STAU1: variants seen among roughly 807,000 people sequenced by gnomAD.
STAU1 encodes the protein staufen double-stranded RNA binding protein 1, also known as double-stranded RNA-binding protein Staufen homolog 1.
STAU1 carries 13 observed loss-of-function variants against 62.9 expected under a neutral mutation model. The observed-to-expected ratio is 0.21, with a 90% confidence interval of 0.13 to 0.33. The LOEUF is 0.33. Among genes scored for constraint, STAU1 ranks in the 10% least tolerant of loss-of-function variants. The pLI is 1.00. For synonymous variants in STAU1, 269 were observed against 265.1 expected (o/e 1.01, Z -0.14); for missense variants, 571 against 712.1 (o/e 0.80, Z 2.25).
At chr20:49,185,912 C>T (rs760912186) in intron 1 of STAU1, among the ~76,000 whole-genome samples, 15 of 151,868 alleles carry the variant, frequency 9.9e-5, no homozygotes, top group Admixed American at 4.6e-4. Flanking sequence ...CTCTCTCTGT[C>T]GCCCAGGCAA....
intron 1 of STAU1, chr20:49,179,227 AC>A (rs2093695896): frequency 6.7e-6 from 1 of 149,888 alleles, no homozygotes. Context: ...AGCCTGGGCG[AC>A]AAGAGCAAAA....
In STAU1 at chr20:49,173,044, C is replaced by T. The variant is rs2093617355; in HGVS notation, c.-85+1151G>A. Reference sequence around the variant, plus strand: ...TATTTTTAGTAAAGACGGGGTTTCACCGTGTTAGCCAGGAGGGTCTCGATC... The same window carrying T: ...TATTTTTAGTAAAGACGGGGTTTCATCGTGTTAGCCAGGAGGGTCTCGATC... On this transcript the variant is annotated intron_variant, in intron 2 of 13. Coordinates refer to ENST00000371856, the MANE Select transcript of STAU1 (RefSeq NM_017453.4). 2.0e-5 allele frequency among the ~76,000 whole-genome samples: 3 copies of T among 151,804 alleles called. No individual in the cohort carries two copies. In the East Asian group the frequency reaches 5.9e-4, roughly 30 times the overall value.
intron 4 of STAU1, among the ~76,000 whole-genome samples, chr20:49,153,275 C>G (rs1045798480): frequency 4.6e-5 from 6 of 131,454 alleles, no homozygotes; most frequent in Non-Finnish European, 1.0e-4. Flanking sequence ...AAAAGAAGCA[C>G]AAAGGGCCGG....
chr20:49,120,087 G>A lies in STAU1; in HGVS notation c.1008C>T (p.Asn336=). The A allele has an allele frequency of 6.2e-7, 1 of 1,614,178 alleles. No individual in the cohort carries two copies. Among genetic ancestry groups the A allele is most frequent in the African/African-American group, 1.3e-5 (1 of 75,054 alleles). Residue 336 remains asparagine (N), a synonymous_variant, in exon 9 of 14, where the codon AAC becomes AAT. Coordinates refer to ENST00000371856, the MANE Select transcript of STAU1 (RefSeq NM_017453.4). ...GNHTAEGTGT[N]KKVAKRNAAE... is the part of the protein sequence containing the mutation. The stretch of plus-strand genomic sequence containing the variant: ...CTGCATTGCGCTTGGCCACCTTCTT[G>A]TTGGTGCCCGTTCCTTCTGCAGTGT...
intron 5 of STAU1, among the ~76,000 whole-genome samples, chr20:49,147,424 A>G (rs915661706): frequency 4.6e-5 from 7 of 152,210 alleles, no homozygotes; most frequent in African/African-American, 1.7e-4. Flanking sequence ...GATCCACCAC[A>G]CAATCACATG....
At chr20:49,218,921 C>T in the STAU1 span, among the ~76,000 whole-genome samples, 16 of 139,124 alleles carry the variant, frequency 1.2e-4, no homozygotes, top group Non-Finnish European at 2.4e-4. Context: ...AAGGCTGAGG[C>T]GGGAGGATCG....
At chr20:49,195,918 G>GAAAAAAAA in the STAU1 span, among the ~76,000 whole-genome samples, 685 of 74,286 alleles carry the variant, frequency 9.2e-3, no homozygotes, top group East Asian at 0.027. Context: ...AAAAAAAAAA[G>GAAAAAAAA]AAAAAAGAAA....
In STAU1 at chr20:49,115,779, C is replaced by CA. The variant is rs2092306832; in HGVS notation, c.1718+2dup. On this transcript the variant is annotated splice_region_variant and intron_variant, in intron 13 of 13. Transcript: ENST00000371856. ...GCGCCTTCCCCTTCATCAGTGCACTCACACAGACATTGGTCCGTTTCCTGT... is the reference window on the plus strand; with the variant it reads ...GCGCCTTCCCCTTCATCAGTGCACTCAACACAGACATTGGTCCGTTTCCTGT... The CA allele has an allele frequency of 6.2e-7, 1 of 1,613,610 alleles. No individual in the cohort carries two copies. The highest frequency in any genetic ancestry group is 1.7e-5 in the Admixed American group (1 of 59,992).
intron 5 of STAU1, among the ~76,000 whole-genome samples, chr20:49,142,866 A>C (rs2093039900): frequency 6.6e-6 from 1 of 152,162 alleles, no homozygotes; most frequent in African/African-American, 2.4e-5. Flanking sequence ...GCAATGGCAT[A>C]ATCAGAGCTC....
the STAU1 span, among the ~76,000 whole-genome samples, chr20:49,203,672 C>T: frequency 6.6e-6 from 1 of 152,032 alleles, no homozygotes; most frequent in Non-Finnish European, 1.5e-5. Context: ...AAATAAAATG[C>T]TATATATTTT....
intron 1 of STAU1, among the ~76,000 whole-genome samples, chr20:49,183,492 G>A (rs557991769): frequency 1.8e-4 from 28 of 152,220 alleles, no homozygotes; most frequent in African/African-American, 6.5e-4. Flanking sequence ...ATTGACTTGT[G>A]GAATCCCACA....
intron 3 of STAU1, among the ~76,000 whole-genome samples, chr20:49,162,809 A>G (rs1443783147): frequency 6.6e-6 from 1 of 151,536 alleles, no homozygotes; most frequent in Non-Finnish European, 1.5e-5. Context: ...AAAGTAAAGG[A>G]AATGAGAAGA....
chr20:49,193,145 G>A (rs1292951545), upstream of STAU1, among the ~76,000 whole-genome samples: 1 of 152,108 alleles, frequency 6.6e-6, no homozygotes, highest in Non-Finnish European at 1.5e-5. Flanking sequence ...GGGAGGCCAA[G>A]GTGGGCGGAT....
chr20:49,117,304 G>A lies in STAU1; in HGVS notation c.1510-56C>T. 6.3e-7 allele frequency: 1 copy of A among 1,599,500 alleles called. No individual in the cohort carries two copies. The highest frequency in any genetic ancestry group is 1.1e-5 in the South Asian group (1 of 89,038). ...AGGGAACAGCAAGTATGAGTGGGCT[G>A]GAGGGCTGCAGCTCCAGGCCCCACA... is the stretch of plus-strand genomic sequence containing the variant. On this transcript the variant is annotated intron_variant, in intron 11 of 13. Coordinates refer to ENST00000371856, the MANE Select transcript of STAU1 (RefSeq NM_017453.4). This position sits in a 1 kb window ranked among gnomAD's most constrained non-coding sequence, Gnocchi z 4.6.
chr20:49,210,061 T>A, the STAU1 span, among the ~76,000 whole-genome samples: 2 of 151,720 alleles, frequency 1.3e-5, no homozygotes, highest in Admixed American at 6.6e-5. Context: ...AAAAAAATAA[T>A]AATAATAATC....
intron 4 of STAU1, 72 bp downstream of exon 4, chr20:49,153,861 T>A: frequency 6.9e-7 from 1 of 1,451,278 alleles, no homozygotes. Flanking sequence ...AATCTAGAGG[T>A]ACTGGTTTAT....
chr20:49,204,088 T>C, the STAU1 span, among the ~76,000 whole-genome samples: 2 of 152,166 alleles, frequency 1.3e-5, no homozygotes, highest in East Asian at 3.8e-4. Context: ...ATACTGCAAA[T>C]GAAGGTTTTC....
the STAU1 span, among the ~76,000 whole-genome samples, chr20:49,199,129 G>C: frequency 5.3e-5 from 8 of 151,876 alleles, no homozygotes; most frequent in African/African-American, 1.7e-4. Context: ...CTGGGCAACA[G>C]AGAGAGACTC....
chr20:49,203,346 C>T, the STAU1 span, among the ~76,000 whole-genome samples: 1 of 152,010 alleles, frequency 6.6e-6, no homozygotes, highest in Non-Finnish European at 1.5e-5. Flanking sequence ...GATCGCTTGA[C>T]CCGGGGAGGC....
Sources: allele counts gnomAD v4.1 joint callset (sites outside exome capture counted in the v4.1 genomes callset), GRCh38; gene constraint gnomAD v4.1.1; non-coding constraint Gnocchi (gnomAD v3.1); transcripts MANE v1.5; gene names NCBI Gene and HGNC (gene_info 2026-07-23, HGNC 2026-07-21).